Variants in CPEB1 observed in about 807,000 individuals in gnomAD.
CPEB1 encodes the protein cytoplasmic polyadenylation element binding protein 1.
CPEB1 carries 7 observed loss-of-function variants against 65.8 expected under a neutral mutation model. The ratio of observed to expected loss-of-function variants is 0.11; its 90% CI spans 0.06 to 0.20. The LOEUF (loss-of-function observed/expected upper bound fraction) is 0.20. Ranked by LOEUF, CPEB1 falls within the 10% of genes least tolerant of loss-of-function variation. CPEB1 has a pLI of 1.00. For missense variants in CPEB1, 551 were observed against 712.2 expected, an observed-to-expected ratio of 0.77 and a Z score of 2.58; for synonymous variants, 262 against 260.0, an observed-to-expected ratio of 1.01 and a Z score of -0.08.
At chr15:82,602,098 C>T (rs541958961) in intron 3 of CPEB1, among the ~76,000 whole-genome samples, 4 of 152,122 alleles carry the variant, frequency 2.6e-5, no homozygotes, top group African/African-American at 9.7e-5. Flanking sequence ...CAAAGTAGAG[C>T]ATATGTTAGA....
chr15:82,645,047 C>T (rs1400210775), intron 1 of CPEB1, among the ~76,000 whole-genome samples: 1 of 152,244 alleles, frequency 6.6e-6, no homozygotes, highest in East Asian at 1.9e-4. Flanking sequence ...GGCATCAGCT[C>T]TCCAACCTCT....
At chr15:82,625,806 A>G (rs2045714409) in intron 3 of CPEB1, among the ~76,000 whole-genome samples, 1 of 152,086 alleles carries the variant, frequency 6.6e-6, no homozygotes, top group Non-Finnish European at 1.5e-5. Context: ...AAAATTAAAC[A>G]TATATTCTTT....
upstream of CPEB1, chr15:82,648,031 G>A (rs1340675345): frequency 6.2e-6 from 3 of 486,788 alleles, no homozygotes; most frequent in Non-Finnish European, 3.2e-6. Flanking sequence ...CCGCCCCCCG[G>A]CCGGATGCGG....
chr15:82,636,043 G>C (rs999335186), intron 1 of CPEB1, among the ~76,000 whole-genome samples: 1 of 152,082 alleles, frequency 6.6e-6, no homozygotes, highest in East Asian at 1.9e-4. Flanking sequence ...TCCTCTCCCT[G>C]CATCACCTGA....
chr15:82,620,823 A>T (rs2045236959), intron 3 of CPEB1, among the ~76,000 whole-genome samples: 1 of 152,180 alleles, frequency 6.6e-6, no homozygotes. Flanking sequence ...ATTTAGCATA[A>T]CAAGTGCCCT....
Position 82,571,750 on chromosome 15 carries a change from C to T in CPEB1, c.272-218G>A, listed in dbSNP as rs951299745. The T allele has an allele frequency of 1.4e-5, 20 of 1,379,874 alleles. No homozygotes were observed. The South Asian group carries it at 2.3e-4, about 16-fold the overall frequency. The allele number at this position is 1,379,874 out of a possible 1,614,324, so 85.5% of individuals were successfully genotyped here. On this transcript the variant is annotated intron_variant, in intron 3 of 12. Coordinates refer to ENST00000684509, the MANE Select transcript of CPEB1 (RefSeq NM_001365242.1). ...TCCCCTCACACACACACCCCTATCC[C>T]GTCTGCATTACAGACTGGGCCAGCA...
At chr15:82,609,502 G>GAA (rs889060393) in intron 3 of CPEB1, among the ~76,000 whole-genome samples, 1 of 136,474 alleles carries the variant, frequency 7.3e-6, no homozygotes, top group African/African-American at 2.7e-5. Flanking sequence ...GCCTGTCTCA[G>GAA]AAAAAAAAAA....
chr15:82,579,360 T>C (rs1463549623), intron 3 of CPEB1, among the ~76,000 whole-genome samples: 2 of 151,982 alleles, frequency 1.3e-5, no homozygotes, highest in Non-Finnish European at 2.9e-5. Flanking sequence ...ACTGAGGAGG[T>C]TGAGGCTACG....
intron 1 of CPEB1, among the ~76,000 whole-genome samples, chr15:82,632,145 C>G (rs2046308243): frequency 6.6e-6 from 1 of 151,764 alleles, no homozygotes; most frequent in Non-Finnish European, 1.5e-5. Context: ...CCACGCCCGG[C>G]TCATTTTTTT....
At chr15:82,646,996 C>G (rs587696427) in intron 1 of CPEB1, 141 bp downstream of exon 1, 1 of 152,738 alleles carries the variant, frequency 6.5e-6, no homozygotes, top group African/African-American at 2.4e-5. Context: ...GGAGAATGAC[C>G]AGAACGCCAG....
chr15:82,627,801 G>C (rs551144242), intron 2 of CPEB1, among the ~76,000 whole-genome samples: 10 of 152,232 alleles, frequency 6.6e-5, no homozygotes, highest in Non-Finnish European at 1.3e-4. Context: ...TTCAGAATTG[G>C]TTCAATTGAT....
intron 4 of CPEB1, among the ~76,000 whole-genome samples, chr15:82,566,296 G>GA (rs1328236861): frequency 1.3e-5 from 2 of 152,142 alleles, no homozygotes; most frequent in African/African-American, 4.8e-5. Context: ...TCTAATGGGG[G>GA]AAAAAATCTA....
intron 1 of CPEB1, among the ~76,000 whole-genome samples, chr15:82,643,011 A>G (rs372029295): frequency 2.0e-5 from 3 of 152,348 alleles, no homozygotes; most frequent in East Asian, 3.9e-4. Context: ...CCTGAAACCA[A>G]TGAATGAGAA....
intron 3 of CPEB1, among the ~76,000 whole-genome samples, chr15:82,580,317 C>CT (rs1185265603): frequency 7.5e-6 from 1 of 133,286 alleles, no homozygotes; most frequent in Non-Finnish European, 1.6e-5. Context: ...AAGACTCTGT[C>CT]TTAAAAAAAA....
chr15:82,584,515 T>TA (rs1474935191), intron 3 of CPEB1, among the ~76,000 whole-genome samples: 1 of 150,784 alleles, frequency 6.6e-6, no homozygotes, highest in Non-Finnish European at 1.5e-5. Flanking sequence ...CCATCTCTAC[T>TA]AAAAATACAA....
intron 3 of CPEB1, among the ~76,000 whole-genome samples, chr15:82,600,616 T>G (rs947234853): frequency 2.6e-5 from 4 of 152,180 alleles, no homozygotes; most frequent in African/African-American, 9.7e-5. Context: ...GTCCTTGCAT[T>G]TTCTAGGACG....
upstream of CPEB1, chr15:82,647,365 G>C (rs2047660615): frequency 6.5e-6 from 1 of 154,320 alleles, no homozygotes. Flanking sequence ...ACAGAGCACG[G>C]GGTCTACGCC....
chr15:82,581,052 G>A (rs1302958402), intron 3 of CPEB1, among the ~76,000 whole-genome samples: 2 of 152,082 alleles, frequency 1.3e-5, no homozygotes, highest in African/African-American at 4.8e-5. Context: ...ATGTTGCCCA[G>A]GCTGTTGCTG....
chr15:82,599,425 C>A (rs575875513), intron 3 of CPEB1, among the ~76,000 whole-genome samples: 1 of 152,116 alleles, frequency 6.6e-6, no homozygotes, highest in African/African-American at 2.4e-5. Context: ...TTCAAACTAA[C>A]CTTCTTCCTG....
Sources: gnomAD v4.1 joint callset for allele counts (sites outside exome capture counted in the v4.1 genomes callset) on GRCh38, gnomAD v4.1.1 for gene constraint, MANE v1.5 for transcripts, NCBI Gene and HGNC (gene_info 2026-07-23, HGNC 2026-07-21) for gene names.